The following NEO1 variants were observed in gnomAD, a reference collection of about 807,000 sequenced individuals.
NEO1 encodes neogenin.
NEO1 carries 63 observed loss-of-function variants against 159.7 expected under a neutral mutation model. The ratio of observed to expected loss-of-function variants is 0.39; its 90% CI spans 0.32 to 0.49. The LOEUF (loss-of-function observed/expected upper bound fraction) is 0.49, where lower values mean the gene tolerates loss of function less well. Among genes scored for constraint, NEO1 ranks in the 20% least tolerant of loss-of-function variants. The probability of loss-of-function intolerance (pLI) is 0.85; values close to 1 mark genes in which losing one functional copy is unlikely to be tolerated. For missense variants in NEO1, 1,615 were observed against 1,831.0 expected, an observed-to-expected ratio of 0.88 and a Z score of 2.15; for synonymous variants, 633 against 662.0, an observed-to-expected ratio of 0.96 and a Z score of 0.67.
chr15:73,249,188 A>G lies in NEO1; in HGVS notation c.1735A>G (p.Lys579Glu). The stretch of plus-strand genomic sequence containing the variant: ...GAATTATAAATTGTACTACATGGAA[A>G]AGGGGACTGATAAAGAACAGGTATG... ...IQNYKLYYME[K>E]GTDKEQDVDV... The change falls in exon 10 of 29, where the codon AAG (lysine) becomes GAG (glutamate). Residue 579 changes from lysine to glutamate, a missense_variant. By Grantham distance (56) the Lys-to-Glu change is moderately conservative. Transcript: ENST00000261908. The G allele has an allele frequency of 1.2e-6, 2 of 1,614,066 alleles. No individual in the cohort carries two copies. The highest frequency in any genetic ancestry group is 2.2e-5 in the South Asian group (2 of 91,076).
chr15:73,058,066 G>GT (rs1389771368), intron 1 of NEO1, among the ~76,000 whole-genome samples: 1 of 152,020 alleles, frequency 6.6e-6, no homozygotes, highest in Non-Finnish European at 1.5e-5. Flanking sequence ...ACTACCTATT[G>GT]TTTTTTCAAC....
intron 1 of NEO1, among the ~76,000 whole-genome samples, chr15:73,112,178 C>T (rs2071034374): frequency 6.6e-6 from 1 of 151,996 alleles, no homozygotes. Flanking sequence ...ACTGATTCTA[C>T]ATCAACTGAA....
Position 73,176,522 on chromosome 15 carries a change from G to T in NEO1, c.1135G>T (p.Asp379Tyr). 6.2e-7 allele frequency: 1 copy of T among 1,611,422 alleles called. No individual in the cohort carries two copies. Among genetic ancestry groups the T allele is most frequent in the Non-Finnish European group, 8.5e-7 (1 of 1,178,668 alleles). Reference protein sequence around the residue: ...TPTVKWVKNGDMVIPSDYFKI... With the variant: ...TPTVKWVKNGYMVIPSDYFKI... ...AACTGTGAAGTGGGTCAAAAATGGG[G>T]ATATGGTTATCCCAAGTGATTATTT... The change falls in exon 6 of 29, where the codon GAT (aspartate) becomes TAT (tyrosine). Residue 379 changes from aspartate (D) to tyrosine (Y), a missense_variant. Asp to Tyr is a radical substitution (Grantham distance 160). Transcript: ENST00000261908.
In NEO1 at chr15:73,290,675, G is replaced by A. The variant is rs1279924481; in HGVS notation, c.3742+1437G>A. Reference sequence around the variant, plus strand: ...AAACCAGAAAGCAGTGGGACAAACCGATTCTTTCAAACTACTATGTCCTCT... The same window carrying A: ...AAACCAGAAAGCAGTGGGACAAACCAATTCTTTCAAACTACTATGTCCTCT... On this transcript the variant is annotated intron_variant, in intron 25 of 28. Coordinates refer to ENST00000261908, the MANE Select transcript of NEO1 (RefSeq NM_002499.4). Among the ~76,000 whole-genome samples, 3 of 152,294 alleles carry A rather than the reference G, an allele frequency of 2.0e-5. No individual in the cohort carries two copies. In the South Asian group the frequency reaches 6.2e-4, roughly 32 times the overall value.
At chr15:73,102,288 C>T (rs1319214057) in intron 1 of NEO1, among the ~76,000 whole-genome samples, 1 of 152,164 alleles carries the variant, frequency 6.6e-6, no homozygotes, top group Non-Finnish European at 1.5e-5. Flanking sequence ...ATCGCTTGAA[C>T]CCGGGAGGCA....
chr15:73,165,639 G>T (rs1338557467), intron 5 of NEO1, among the ~76,000 whole-genome samples: 1 of 152,204 alleles, frequency 6.6e-6, no homozygotes, highest in Non-Finnish European at 1.5e-5. Context: ...AGAGTTCTTT[G>T]TCTCAGTGAT....
rs756033533 is a variant in NEO1, at chr15:73,116,841, G to A, written c.432G>A (p.Ala144=). The change falls in exon 2 of 29, where the codon GCG becomes GCA. Residue 144 remains alanine, a synonymous_variant. Transcript: ENST00000261908. ...TTGGAACTATTATCAGTAGAACAGCGAAGCTCATAGTAGCAGGTAAGTTTT... is the reference window on the plus strand; with the variant it reads ...TTGGAACTATTATCAGTAGAACAGCAAAGCTCATAGTAGCAGGTAAGTTTT... ...ESLGTIISRT[A]KLIVAGLPRF... 29 of 1,552,802 alleles carry A rather than the reference G, an allele frequency of 1.9e-5. No individual in the cohort carries two copies. Among genetic ancestry groups the A allele is most frequent in the South Asian group, 7.4e-5 (6 of 80,642 alleles).
intron 5 of NEO1, among the ~76,000 whole-genome samples, chr15:73,156,568 A>G (rs1351506043): frequency 6.6e-6 from 1 of 152,212 alleles, no homozygotes; most frequent in Non-Finnish European, 1.5e-5. Flanking sequence ...CTTCTCATTC[A>G]CAAGTGTTGT....
At chr15:73,107,014 T>C (rs1226405523) in intron 1 of NEO1, among the ~76,000 whole-genome samples, 1 of 152,222 alleles carries the variant, frequency 6.6e-6, no homozygotes, top group East Asian at 1.9e-4. Flanking sequence ...CAAACTCTTT[T>C]GTAGTGACTT....
Position 73,173,644 on chromosome 15 carries a change from T to C in NEO1, c.1016-2759T>C. Among the ~76,000 whole-genome samples the C allele has an allele frequency of 1.3e-5, 2 of 152,214 alleles. 1 individual carries two copies. Among genetic ancestry groups the C allele is most frequent in the South Asian group, 4.2e-4 (2 of 4,814 alleles). On this transcript the variant is annotated intron_variant, in intron 5 of 28. Coordinates refer to ENST00000261908, the MANE Select transcript of NEO1 (RefSeq NM_002499.4). Reference sequence around the variant, plus strand: ...GCTAAAATGGAGAGAACTTATAAATTTTACCATATGCAAACGTAAAACTTT... The same window carrying C: ...GCTAAAATGGAGAGAACTTATAAATCTTACCATATGCAAACGTAAAACTTT...
At chr15:73,154,859 T>C (rs1297658338) in intron 5 of NEO1, among the ~76,000 whole-genome samples, 5 of 152,226 alleles carry the variant, frequency 3.3e-5, no homozygotes, top group African/African-American at 1.2e-4. Context: ...AACATTGATA[T>C]GTGAGGTTTT....
At chr15:73,282,451 C>T (rs1010409988) in intron 22 of NEO1, among the ~76,000 whole-genome samples, 12 of 152,216 alleles carry the variant, frequency 7.9e-5, no homozygotes, top group African/African-American at 2.9e-4. Flanking sequence ...AGAGAATTAA[C>T]TCTGCGTAGG....
intron 1 of NEO1, among the ~76,000 whole-genome samples, chr15:73,078,830 ACTGTGTG>A (rs1421435300): frequency 6.6e-6 from 1 of 152,212 alleles, no homozygotes; most frequent in Admixed American, 6.5e-5. Flanking sequence ...TGTGTAAAGC[ACTGTGTG>A]CTGGAGATTT....
intron 1 of NEO1, among the ~76,000 whole-genome samples, chr15:73,080,348 G>C (rs549160178): frequency 9.2e-5 from 14 of 152,208 alleles, no homozygotes; most frequent in African/African-American, 3.4e-4. Flanking sequence ...GAGTTTATAG[G>C]CTTGTTTTTT....
At chr15:73,244,977 A>AAAC (rs1555458858) in intron 9 of NEO1, among the ~76,000 whole-genome samples, 1,487 of 112,042 alleles carry the variant, frequency 0.013, 191 homozygotes, top group East Asian at 0.024. Flanking sequence ...AAAAAAAAAA[A>AAAC]AAAAAACAAC....
chr15:73,271,177 G>T (rs1307005935), intron 18 of NEO1, among the ~76,000 whole-genome samples: 1 of 152,184 alleles, frequency 6.6e-6, no homozygotes, highest in African/African-American at 2.4e-5. Flanking sequence ...AGAGAGAAGG[G>T]TTGGATTTGA....
chr15:73,256,593 C>G (rs150899881), intron 13 of NEO1, among the ~76,000 whole-genome samples: 188 of 152,298 alleles, frequency 1.2e-3, no homozygotes, highest in Admixed American at 0.011. Context: ...TAGTAATCAG[C>G]AAGCTTCTCA....
intron 4 of NEO1, among the ~76,000 whole-genome samples, chr15:73,127,724 A>T (rs940749512): frequency 1.3e-5 from 2 of 152,234 alleles, no homozygotes; most frequent in Non-Finnish European, 2.9e-5. Flanking sequence ...TAATAGTAAT[A>T]TTTTATGTGA....
intron 7 of NEO1, among the ~76,000 whole-genome samples, chr15:73,190,129 A>G (rs2036159552): frequency 6.6e-6 from 1 of 152,152 alleles, no homozygotes; most frequent in Non-Finnish European, 1.5e-5. Context: ...CATTGTTATT[A>G]TTATTTAAAT....
Sources: gnomAD v4.1 joint callset for allele counts (sites outside exome capture counted in the v4.1 genomes callset) on GRCh38, gnomAD v4.1.1 for gene constraint, MANE v1.5 for transcripts, NCBI Gene and HGNC (gene_info 2026-07-23, HGNC 2026-07-21) for gene names.